NPAS3: variants seen among roughly 807,000 people sequenced by gnomAD.
The protein encoded by NPAS3 is neuronal PAS domain-containing protein 3.
NPAS3 carries 14 observed loss-of-function variants against 73.1 expected under a neutral mutation model. That is an observed-to-expected ratio of 0.19 (90% CI 0.13 to 0.30). NPAS3 has a LOEUF of 0.30. NPAS3 is among the 10% of genes least tolerant of loss of function. The probability of loss-of-function intolerance (pLI) is 1.00; values close to 1 mark genes in which losing one functional copy is unlikely to be tolerated. For synonymous variants in NPAS3, 620 were observed against 541.5 expected, an observed-to-expected ratio of 1.14 and a Z score of -2.01; for missense variants, 1,096 against 1,250.0, an observed-to-expected ratio of 0.88 and a Z score of 1.86.
At chr14:32,979,853 T>G (rs1428111201) in intron 1 of NPAS3, among the ~76,000 whole-genome samples, 1 of 152,190 alleles carries the variant, frequency 6.6e-6, no homozygotes, top group Non-Finnish European at 1.5e-5. Context: ...TTAGGTTATT[T>G]TTGTGTTACA....
chr14:33,008,764 A>G (rs1566460286), intron 1 of NPAS3, among the ~76,000 whole-genome samples: 1 of 152,168 alleles, frequency 6.6e-6, no homozygotes, highest in Admixed American at 6.5e-5. Context: ...CCTTGGATGT[A>G]CAGAAAATCT....
chr14:33,003,298 TA>T (rs551684747), intron 1 of NPAS3, among the ~76,000 whole-genome samples: 173 of 145,392 alleles, frequency 1.2e-3, no homozygotes, highest in Admixed American at 1.1e-3. Flanking sequence ...CTCTTGTTGA[TA>T]AAAAAAAAAA....
At position 33,339,351 on chromosome 14, in the gene NPAS3, G is replaced by A. The variant is rs568194833; in HGVS notation, c.386-27835G>A. On this transcript the variant is annotated intron_variant, in intron 3 of 11. Coordinates refer to ENST00000356141, the Ensembl canonical transcript of NPAS3. ...GTTTTATTTTCCTGGGGGTGGGGAAGCAGTGGGCAAAGCACAGTACAGCAG... is the reference window on the plus strand; with the variant it reads ...GTTTTATTTTCCTGGGGGTGGGGAAACAGTGGGCAAAGCACAGTACAGCAG... Among the ~76,000 whole-genome samples, 5 of 152,230 alleles carry A rather than the reference G, an allele frequency of 3.3e-5. No individual in the cohort carries two copies. The South Asian group carries it at 1.0e-3, about 32-fold the overall frequency.
rs1269285240 is a variant in NPAS3 at position 33,800,620 on chromosome 14, C to G, written c.2313C>G (p.Gly771=). 1 of 1,351,984 alleles carries G rather than the reference C, an allele frequency of 7.4e-7. No homozygotes were observed. 83.7% of individuals were successfully genotyped at this position (1,351,984 alleles called of 1,614,324 possible). A position where few individuals can be genotyped will look rare whatever the true frequency, so the allele number is the denominator to read the frequency against. ...GCGGCGGGGGCGGGGGCGGGGGCGGCGGCGCGGGGGGCGGCGGCCCCAGCG... is the reference window on the plus strand; with the variant it reads ...GCGGCGGGGGCGGGGGCGGGGGCGGGGGCGCGGGGGGCGGCGGCCCCAGCG... The change falls in exon 12 of 12, where the codon GGC becomes GGG. Residue 771 remains glycine (G), a synonymous_variant. Coordinates refer to ENST00000356141, the Ensembl canonical transcript of NPAS3. This position sits in a 1 kb window ranked among gnomAD's most constrained non-coding sequence, Gnocchi z 6.5.
At chr14:33,633,949 G>C (rs1432959366) in intron 5 of NPAS3, among the ~76,000 whole-genome samples, 1 of 152,148 alleles carries the variant, frequency 6.6e-6, no homozygotes, top group Admixed American at 6.5e-5. Context: ...ACTGCACTCA[G>C]CCTGAGCAAC....
chr14:33,493,334 T>C (rs2051998637), intron 4 of NPAS3, among the ~76,000 whole-genome samples: 2 of 152,056 alleles, frequency 1.3e-5, no homozygotes, highest in Admixed American at 1.3e-4. Flanking sequence ...CTTTTTTTTT[T>C]TTTTCACACT....
intron 5 of NPAS3, among the ~76,000 whole-genome samples, chr14:33,615,177 G>A (rs576658751): frequency 1.3e-5 from 2 of 152,280 alleles, no homozygotes; most frequent in Admixed American, 1.3e-4. Context: ...GCAGTAGGCA[G>A]TGTATATCTG....
At chr14:33,171,870 G>C (rs755074984) in intron 2 of NPAS3, among the ~76,000 whole-genome samples, 1 of 152,130 alleles carries the variant, frequency 6.6e-6, no homozygotes, top group Non-Finnish European at 1.5e-5. Context: ...TAAAGTGAGA[G>C]ATGGGTGACT....
At chr14:33,388,564 G>A (rs913873815) in intron 4 of NPAS3, among the ~76,000 whole-genome samples, 1 of 152,136 alleles carries the variant, frequency 6.6e-6, no homozygotes, top group Non-Finnish European at 1.5e-5. Context: ...TGTGATAGTT[G>A]TGGGGAAAGG....
At chr14:33,050,390 G>A (rs1391431273) in intron 1 of NPAS3, among the ~76,000 whole-genome samples, 1 of 152,124 alleles carries the variant, frequency 6.6e-6, no homozygotes, top group East Asian at 1.9e-4. Flanking sequence ...TTGAGGCCCA[G>A]CAGTCTTCCC....
At chr14:33,486,007 G>T (rs556308324) in intron 4 of NPAS3, among the ~76,000 whole-genome samples, 1 of 152,082 alleles carries the variant, frequency 6.6e-6, no homozygotes, top group Non-Finnish European at 1.5e-5. Context: ...GGGAGTGGGG[G>T]CAGGTTCATT....
intron 3 of NPAS3, among the ~76,000 whole-genome samples, chr14:33,243,052 A>G (rs2048262102): frequency 6.6e-6 from 1 of 152,102 alleles, no homozygotes; most frequent in Non-Finnish European, 1.5e-5. Flanking sequence ...TTTTTCCTTA[A>G]TGTTTATCCA....
intron 3 of NPAS3, among the ~76,000 whole-genome samples, chr14:33,253,848 T>C (rs1484001602): frequency 6.6e-6 from 1 of 152,028 alleles, no homozygotes; most frequent in Non-Finnish European, 1.5e-5. Flanking sequence ...TTCAACTCTA[T>C]TGTGCATTTT....
intron 3 of NPAS3, among the ~76,000 whole-genome samples, chr14:33,219,504 A>T (rs1266390700): frequency 6.6e-6 from 1 of 152,230 alleles, no homozygotes; most frequent in East Asian, 1.9e-4. Context: ...TTTGGAAAGG[A>T]ACAGTTGAAA....
chr14:33,476,183 CTTG>C (rs1383000268), intron 4 of NPAS3, among the ~76,000 whole-genome samples: 2 of 152,190 alleles, frequency 1.3e-5, no homozygotes, highest in Admixed American at 6.5e-5. Flanking sequence ...AAAGAGAAAT[CTTG>C]TTGTCAAGAT....
At chr14:33,404,931 T>C (rs1029532062) in intron 4 of NPAS3, among the ~76,000 whole-genome samples, 7 of 152,216 alleles carry the variant, frequency 4.6e-5, no homozygotes, top group Middle Eastern at 3.4e-3. Flanking sequence ...TGTTGTCTGT[T>C]TGTCCCATGT....
chr14:33,723,953 A>G (rs1325692039), intron 6 of NPAS3, among the ~76,000 whole-genome samples: 2 of 152,042 alleles, frequency 1.3e-5, no homozygotes, highest in African/African-American at 2.4e-5. Flanking sequence ...AAAAATATAT[A>G]TATCCATTTT....
chr14:33,437,440 C>T (rs535558862), intron 4 of NPAS3, among the ~76,000 whole-genome samples: 1 of 152,104 alleles, frequency 6.6e-6, no homozygotes, highest in East Asian at 1.9e-4. Flanking sequence ...AATTGAAACC[C>T]TTGGTCCCTG....
chr14:33,145,432 T>G (rs753206893), intron 2 of NPAS3, among the ~76,000 whole-genome samples: 3 of 152,192 alleles, frequency 2.0e-5, no homozygotes, highest in Non-Finnish European at 2.9e-5. Context: ...CTTTGCAAAT[T>G]AAGGTTTTGT....
Sources: gnomAD v4.1 joint callset for allele counts (sites outside exome capture counted in the v4.1 genomes callset) on GRCh38, gnomAD v4.1.1 for gene constraint, Gnocchi (gnomAD v3.1) non-coding constraint, MANE v1.5 for transcripts, NCBI Gene and HGNC (gene_info 2026-07-23, HGNC 2026-07-21) for gene names.